Variants in EPHA6 observed in about 807,000 individuals in gnomAD.
EPHA6 encodes ephrin type-A receptor 6.
In EPHA6, 50 loss-of-function variants were observed where a neutral mutation model predicts 112.0. That is an observed-to-expected ratio of 0.45 (90% confidence interval 0.36 to 0.56). The LOEUF is 0.56. Ranked by LOEUF, EPHA6 falls within the 20% of genes least tolerant of loss-of-function variation. The pLI is 0.00. For synonymous variants in EPHA6, 529 were observed against 490.7 expected (o/e 1.08, Z -1.03); for missense variants, 1,280 against 1,417.4 (o/e 0.90, Z 1.56).
At chr3:97,131,895 A>AT (rs2075637677) in intron 3 of EPHA6, among the ~76,000 whole-genome samples, 1 of 152,138 alleles carries the variant, frequency 6.6e-6, no homozygotes, top group Admixed American at 6.6e-5. Context: ...TACGGTTTCA[A>AT]TCATAACCTA....
intron 3 of EPHA6, among the ~76,000 whole-genome samples, chr3:96,995,623 G>A (rs955696396): frequency 5.3e-5 from 8 of 152,016 alleles, no homozygotes; most frequent in South Asian, 2.1e-4. Context: ...AGCAAATATC[G>A]CAGTAATGCA....
intron 2 of EPHA6, among the ~76,000 whole-genome samples, chr3:96,901,227 A>G (rs1319242860): frequency 2.6e-5 from 4 of 152,134 alleles, no homozygotes; most frequent in African/African-American, 4.8e-5. Context: ...TTGAAGCTCT[A>G]TGCCATGGGT....
intron 3 of EPHA6, among the ~76,000 whole-genome samples, chr3:97,184,877 A>G (rs1407929854): frequency 2.6e-5 from 4 of 152,182 alleles, no homozygotes; most frequent in Admixed American, 1.3e-4. Flanking sequence ...ATATAGACCA[A>G]TGGAACAGAA....
chr3:97,184,875 C>A (rs1015352413), intron 3 of EPHA6, among the ~76,000 whole-genome samples: 1 of 152,064 alleles, frequency 6.6e-6, no homozygotes, highest in East Asian at 1.9e-4. Context: ...AGATATAGAC[C>A]AATGGAACAG....
At chr3:97,480,200 G>T (rs1380404611) in intron 9 of EPHA6, among the ~76,000 whole-genome samples, 2 of 151,306 alleles carry the variant, frequency 1.3e-5, no homozygotes, top group African/African-American at 4.8e-5. Flanking sequence ...AGTATAATTA[G>T]AATTTTTCTT....
rs373106924 is a variant in EPHA6, at chr3:97,084,138, GCACACA to G, written c.1114+96162_1114+96167del. 3.6e-4 allele frequency among the ~76,000 whole-genome samples: 43 copies of G among 119,552 alleles called. No individual in the cohort carries two copies. The East Asian group carries it at 0.01, about 29-fold the overall frequency. The allele number at this position is 119,552 out of a possible 152,430, so 78.4% of individuals were successfully genotyped here. On this transcript the variant is annotated intron_variant, in intron 3 of 17. Coordinates refer to ENST00000389672, the MANE Select transcript of EPHA6 (RefSeq NM_001080448.3). ...TATATATATATGGATATATATCCAT[GCACACA>G]CACACACACACACACAATATCCCCA...
At chr3:96,842,418 G>GA (rs2034806242) in intron 1 of EPHA6, among the ~76,000 whole-genome samples, 1 of 151,910 alleles carries the variant, frequency 6.6e-6, no homozygotes, top group Non-Finnish European at 1.5e-5. Flanking sequence ...TATGATGAGA[G>GA]AAAAAAATAC....
intron 1 of EPHA6, among the ~76,000 whole-genome samples, chr3:96,852,916 C>A (rs1426007742): frequency 6.6e-6 from 1 of 152,116 alleles, no homozygotes; most frequent in African/African-American, 2.4e-5. Context: ...TCATCCATTT[C>A]TTTGTAAATA....
chr3:96,999,139 G>T (rs994304314), intron 3 of EPHA6, among the ~76,000 whole-genome samples: 1 of 151,668 alleles, frequency 6.6e-6, no homozygotes, highest in African/African-American at 2.4e-5. Context: ...TAAGCATTTG[G>T]GTCTATCATG....
chr3:97,311,733 G>A (rs7637922), intron 5 of EPHA6, among the ~76,000 whole-genome samples: 1 of 142,858 alleles, frequency 7.0e-6, no homozygotes, highest in Non-Finnish European at 1.5e-5. Flanking sequence ...CTACAATCTT[G>A]GTTCTTCTTT....
rs571364741 is a variant in EPHA6 at position 97,727,595 on chromosome 3, C to T, written c.2934+7185C>T. On this transcript the variant is annotated intron_variant, in intron 15 of 17. Transcript: ENST00000389672. ...AACTCTACTTTATTATGTAATGGTC[C>T]TTGTGTAATGATCTGTGTAAGACAC... 1.2e-4 allele frequency among the ~76,000 whole-genome samples: 18 copies of T among 152,066 alleles called. No homozygotes were observed. The East Asian group carries it at 3.5e-3, about 30-fold the overall frequency.
chr3:97,057,752 A>G (rs901125946), intron 3 of EPHA6, among the ~76,000 whole-genome samples: 9 of 152,228 alleles, frequency 5.9e-5, no homozygotes, highest in African/African-American at 2.2e-4. Context: ...TAGCTGAGCT[A>G]GATATTAATT....
intron 14 of EPHA6, among the ~76,000 whole-genome samples, chr3:97,705,852 AAATT>A (rs1279764435): frequency 6.6e-6 from 1 of 152,214 alleles, no homozygotes; most frequent in Admixed American, 6.5e-5. Flanking sequence ...AAGATGATAT[AAATT>A]ATTTGTCGCT....
At chr3:96,930,029 C>T (rs971606198) in intron 2 of EPHA6, among the ~76,000 whole-genome samples, 3 of 152,064 alleles carry the variant, frequency 2.0e-5, no homozygotes, top group East Asian at 3.9e-4. Context: ...CTTGTGATTG[C>T]GTTGTGAAGT....
chr3:96,912,966 T>C (rs1449766959), intron 2 of EPHA6, among the ~76,000 whole-genome samples: 1 of 152,062 alleles, frequency 6.6e-6, no homozygotes, highest in East Asian at 1.9e-4. Flanking sequence ...TATTGTTTAA[T>C]ATGCTAGTGG....
At chr3:96,862,903 A>G (rs2036088821) in intron 1 of EPHA6, among the ~76,000 whole-genome samples, 1 of 151,952 alleles carries the variant, frequency 6.6e-6, no homozygotes, top group Admixed American at 6.6e-5. Flanking sequence ...CAAAAGCATG[A>G]ATAAAGGCAA....
intron 10 of EPHA6, among the ~76,000 whole-genome samples, chr3:97,500,639 C>A (rs1377389661): frequency 6.6e-6 from 1 of 152,098 alleles, no homozygotes; most frequent in Non-Finnish European, 1.5e-5. Context: ...AGAGACAGAT[C>A]CAAACCATAT....
chr3:97,381,825 T>A (rs191316852), intron 5 of EPHA6, among the ~76,000 whole-genome samples: 1 of 152,238 alleles, frequency 6.6e-6, no homozygotes, highest in African/African-American at 2.4e-5. Flanking sequence ...TGATTATTTT[T>A]TGGTTGAGCA....
At chr3:97,695,577 T>A (rs1016325218) in intron 14 of EPHA6, among the ~76,000 whole-genome samples, 2 of 152,210 alleles carry the variant, frequency 1.3e-5, no homozygotes, top group African/African-American at 2.4e-5. Flanking sequence ...AGTCTCGCTC[T>A]GTCACCAGGC....
Sources: allele counts gnomAD v4.1 joint callset (sites outside exome capture counted in the v4.1 genomes callset), GRCh38; gene constraint gnomAD v4.1.1; transcripts MANE v1.5; gene names NCBI Gene and HGNC (gene_info 2026-07-23, HGNC 2026-07-21).